Variants in UPF2 observed in about 807,000 individuals in gnomAD.
The protein encoded by UPF2 is regulator of nonsense transcripts 2.
UPF2 carries 17 observed loss-of-function variants against 141.4 expected under a neutral mutation model. The ratio of observed to expected loss-of-function variants is 0.12; its 90% CI spans 0.08 to 0.18. The LOEUF is 0.18. Ranked by LOEUF, UPF2 falls within the 10% of genes least tolerant of loss-of-function variation. The pLI, the probability that UPF2 is intolerant of heterozygous loss-of-function variation, is 1.00. For missense variants in UPF2, 1,152 were observed against 1,515.9 expected, an observed-to-expected ratio of 0.76 and a Z score of 3.99; for synonymous variants, 540 against 498.0, an observed-to-expected ratio of 1.08 and a Z score of -1.12.
intron 9 of UPF2, among the ~76,000 whole-genome samples, chr10:11,970,787 G>C (rs952514985): frequency 6.6e-6 from 1 of 151,998 alleles, no homozygotes; most frequent in Non-Finnish European, 1.5e-5. Flanking sequence ...ATTCCAGCCC[G>C]GGCGACAGAG....
intron 4 of UPF2, among the ~76,000 whole-genome samples, chr10:12,006,308 C>A (rs565208602): frequency 6.6e-6 from 1 of 152,312 alleles, no homozygotes; most frequent in Non-Finnish European, 1.5e-5. Flanking sequence ...GCAGTACATA[C>A]AACTATAGAT....
intron 7 of UPF2, among the ~76,000 whole-genome samples, 188 bp downstream of exon 7, chr10:11,999,718 C>A (rs7068413): frequency 0.056 from 8,530 of 152,210 alleles, 294 homozygotes; most frequent in Non-Finnish European, 0.08. Context: ...AGCCAATTCT[C>A]TACCCAAACA....
chr10:12,011,298 C>A (rs1244645706), intron 4 of UPF2, among the ~76,000 whole-genome samples: 2 of 152,190 alleles, frequency 1.3e-5, no homozygotes, highest in African/African-American at 4.8e-5. Flanking sequence ...CCAAAAAGAT[C>A]TTTTAAAAAC....
chr10:11,926,140 G>T (rs1388881368), intron 21 of UPF2, among the ~76,000 whole-genome samples: 1 of 152,172 alleles, frequency 6.6e-6, no homozygotes, highest in African/African-American at 2.4e-5. Flanking sequence ...AGGGCCATTT[G>T]GGAGCAGAAT....
rs538426886 is a variant in UPF2, at chr10:12,019,568, G to A, written c.1146-5384C>T. On this transcript the variant is annotated intron_variant, in intron 3 of 21. Coordinates refer to ENST00000357604, the MANE Select transcript of UPF2 (RefSeq NM_015542.4). This position sits in a 1 kb window ranked among gnomAD's most constrained non-coding sequence, Gnocchi z 4.5. ...AGAGAGGTACTTGTCCCCTTTTACA[G>A]ATATAAACAGTAAGTAATGAGAACA... Among the ~76,000 whole-genome samples, 13 of 152,234 alleles carry A rather than the reference G, an allele frequency of 8.5e-5. No individual in the cohort carries two copies. The East Asian group carries it at 2.1e-3, about 25-fold the overall frequency.
intron 10 of UPF2, 33 bp from the exon 11 acceptor site, chr10:11,964,158 G>A: frequency 7.3e-6 from 11 of 1,503,908 alleles, no homozygotes; most frequent in Non-Finnish European, 1.0e-5. Context: ...AACTACAAAG[G>A]CAACTCTTCA....
At chr10:12,007,288 A>T (rs1834050077) in intron 4 of UPF2, among the ~76,000 whole-genome samples, 1 of 152,222 alleles carries the variant, frequency 6.6e-6, no homozygotes, top group Non-Finnish European at 1.5e-5. Flanking sequence ...GTCTGGACAC[A>T]TTACTATCAA....
intron 9 of UPF2, among the ~76,000 whole-genome samples, chr10:11,974,049 T>C (rs1239306205): frequency 2.0e-5 from 3 of 152,180 alleles, no homozygotes; most frequent in African/African-American, 4.8e-5. Context: ...TGTCCTCTTT[T>C]ATTTCGTTGA....
intron 18 of UPF2, among the ~76,000 whole-genome samples, chr10:11,941,060 T>G (rs1217489622): frequency 6.6e-6 from 1 of 152,192 alleles, no homozygotes; most frequent in South Asian, 2.1e-4. Flanking sequence ...GCTCTTAGCA[T>G]TTATCACAAT....
chr10:11,999,618 A>C (rs1189085222), intron 7 of UPF2, among the ~76,000 whole-genome samples: 1 of 152,194 alleles, frequency 6.6e-6, no homozygotes, highest in African/African-American at 2.4e-5. Context: ...AAAGCCATTA[A>C]AAATCCAGAA....
chr10:12,034,693 T>A (rs1226413573), intron 2 of UPF2, among the ~76,000 whole-genome samples: 1 of 151,992 alleles, frequency 6.6e-6, no homozygotes, highest in African/African-American at 2.4e-5. Flanking sequence ...TAATCCCAGC[T>A]ACTCGGGAGG....
chr10:12,001,612 C>A, intron 6 of UPF2, 64 bp downstream of exon 6: 1 of 1,438,412 alleles, frequency 7.0e-7, no homozygotes, highest in East Asian at 2.3e-5. Context: ...GATCTATATT[C>A]TTAGGCAAGA....
At chr10:11,973,888 G>C (rs1307060169) in intron 9 of UPF2, among the ~76,000 whole-genome samples, 6 of 152,150 alleles carry the variant, frequency 3.9e-5, no homozygotes, top group Non-Finnish European at 8.8e-5. Context: ...GGTTCCCTAT[G>C]AACTTTCAAG....
At chr10:12,032,204 G>C (rs1227150175) in intron 2 of UPF2, among the ~76,000 whole-genome samples, 1 of 151,486 alleles carries the variant, frequency 6.6e-6, no homozygotes, top group South Asian at 2.1e-4. Flanking sequence ...TGAGGCAGGA[G>C]AATGGCTTGA....
chr10:12,000,029 T>C lies in UPF2; in HGVS notation c.1655-20A>G, dbSNP rs753695822. 6.5e-7 allele frequency: 1 copy of C among 1,543,924 alleles called. No individual in the cohort carries two copies. The highest frequency in any genetic ancestry group is 1.2e-5 in the South Asian group (1 of 84,098). On this transcript the variant is annotated intron_variant, in intron 6 of 21. Coordinates refer to ENST00000357604, the MANE Select transcript of UPF2 (RefSeq NM_015542.4). ...CTTGTTCTAATGTAAAATTAGTTTT[T>C]AAATAGGTTAAAAAAAAAAGAGAAC...
intron 5 of UPF2, among the ~76,000 whole-genome samples, chr10:12,002,061 A>G (rs1833961325): frequency 6.6e-6 from 1 of 152,152 alleles, no homozygotes; most frequent in African/African-American, 2.4e-5. Flanking sequence ...ACCTGAGGTC[A>G]GGAGTTTGAG....
intron 4 of UPF2, among the ~76,000 whole-genome samples, chr10:12,008,629 C>CAAA (rs60750390): frequency 3.6e-4 from 27 of 74,934 alleles, no homozygotes; most frequent in East Asian, 8.0e-4. Context: ...GACACCACCT[C>CAAA]AAAAAAAAAA....
intron 17 of UPF2, 46 bp from the exon 18 acceptor site, chr10:11,942,809 A>T (rs2131171126): frequency 6.4e-7 from 1 of 1,569,994 alleles, no homozygotes; most frequent in East Asian, 2.2e-5. Context: ...TTTTAACTGT[A>T]ATGTTTTCTA....
intron 16 of UPF2, among the ~76,000 whole-genome samples, chr10:11,945,644 A>G (rs1482838229): frequency 1.3e-5 from 2 of 152,262 alleles, no homozygotes; most frequent in African/African-American, 4.8e-5. Flanking sequence ...AGTAATAGTT[A>G]CAAATGATAT....
Sources: gnomAD v4.1 joint callset for allele counts (sites outside exome capture counted in the v4.1 genomes callset) on GRCh38, gnomAD v4.1.1 for gene constraint, Gnocchi (gnomAD v3.1) non-coding constraint, MANE v1.5 for transcripts, NCBI Gene and HGNC (gene_info 2026-07-23, HGNC 2026-07-21) for gene names.